The following KDR variants were observed in gnomAD, a reference collection of about 807,000 sequenced individuals.
The protein encoded by KDR is vascular endothelial growth factor receptor 2.
In KDR, 43 loss-of-function variants were observed where a neutral mutation model predicts 160.9. That is an observed-to-expected ratio of 0.27 (90% CI 0.21 to 0.34). The LOEUF (loss-of-function observed/expected upper bound fraction) is 0.34, where lower values mean the gene tolerates loss of function less well. Among genes scored for constraint, KDR ranks in the 10% least tolerant of loss-of-function variants. The pLI, the probability that KDR is intolerant of heterozygous loss-of-function variation, is 1.00. For missense variants in KDR, 1,469 were observed against 1,666.4 expected (o/e 0.88, Z 2.06); for synonymous variants, 617 against 600.1 (o/e 1.03, Z -0.41).
At chr4:55,113,199 A>G in intron 7 of KDR, 105 bp downstream of exon 7, 1 of 1,276,164 alleles carries the variant, frequency 7.8e-7, no homozygotes, top group Non-Finnish European at 1.1e-6. Flanking sequence ...GAAAAACTAG[A>G]AACTATCTTC....
At position 55,097,756 on chromosome 4, in the gene KDR, A is replaced by G. The variant is rs548601458; in HGVS notation, c.2520T>C (p.Leu840=). 7.3e-5 allele frequency: 118 copies of G among 1,612,402 alleles called. 1 individual carries two copies. In the South Asian group the frequency reaches 1.2e-3, roughly 17 times the overall value. ...TCACTTGGCCAAAGGCACCACGGCC[A>G]AGAGGCTTACCTAGAGTCAACAACA... The part of the protein sequence containing the change: ...PRDRLKLGKP[L]GRGAFGQVIE... The change falls in exon 18 of 30, where the codon CTT becomes CTC. Residue 840 remains leucine (L), a synonymous_variant. Coordinates refer to ENST00000263923, the MANE Select transcript of KDR (RefSeq NM_002253.4).
In KDR at chr4:55,121,698, G is replaced by A. The variant is rs138898470; in HGVS notation, c.68-508C>T. Among the ~76,000 whole-genome samples, 542 of 152,222 alleles carry A rather than the reference G, an allele frequency of 3.6e-3. 7 individuals carry two copies. Among genetic ancestry groups the A allele is most frequent in the African/African-American group, 0.011 (444 of 41,524 alleles). On this transcript the variant is annotated intron_variant, in intron 1 of 29. Coordinates refer to ENST00000263923, the MANE Select transcript of KDR (RefSeq NM_002253.4). ...TTTTCCTTTATCAATTTTCTAGTGC[G>A]CTTCCCCTGGTAACCAAACTGCCAC...
intron 19 of KDR, among the ~76,000 whole-genome samples, chr4:55,095,895 C>T (rs369581054): frequency 3.8e-4 from 58 of 152,230 alleles, no homozygotes; most frequent in African/African-American, 1.3e-3. Context: ...CACCCATCTA[C>T]TTGCTTTTCA....
Position 55,094,949 on chromosome 4 carries a change from C to T in KDR, c.2824G>A (p.Gly942Arg), listed in dbSNP as rs748637684. 1.2e-6 allele frequency: 2 copies of T among 1,613,870 alleles called. No individual in the cohort carries two copies. Among genetic ancestry groups the T allele is most frequent in the Admixed American group, 3.3e-5 (2 of 60,004 alleles). Residue 942 changes from glycine to arginine, a missense_variant, in exon 21 of 30, where the codon GGG becomes AGG. Physicochemically the swap from Gly to Arg is moderately radical, Grantham distance 125. This residue lies in a region of KDR where 151 missense variants were observed against 207.2 expected (regional missense o/e 0.73). Coordinates refer to ENST00000263923, the MANE Select transcript of KDR (RefSeq NM_002253.4). Reference sequence around the variant, plus strand: ...TCTTTCCCTTGACGGAATCGTGCCCCTTTGGTCTATAAAAAAGCAAAGGAA... The same window carrying T: ...TCTTTCCCTTGACGGAATCGTGCCCTTTTGGTCTATAAAAAAGCAAAGGAA... Reference protein sequence around the residue: ...RNEFVPYKTKGARFRQGKDYV... With the variant: ...RNEFVPYKTKRARFRQGKDYV...
intron 21 of KDR, among the ~76,000 whole-genome samples, chr4:55,094,032 T>C (rs1720086178): frequency 6.8e-6 from 1 of 147,984 alleles, no homozygotes; most frequent in Admixed American, 6.7e-5. Context: ...AAACCCCATC[T>C]TTACTAAAAA....
chr4:55,119,970 A>G (rs2110035460), intron 2 of KDR, among the ~76,000 whole-genome samples: 1 of 152,312 alleles, frequency 6.6e-6, no homozygotes, highest in East Asian at 1.9e-4. Flanking sequence ...TCAGAACATA[A>G]GAAATGTTTA....
intron 27 of KDR, among the ~76,000 whole-genome samples, chr4:55,083,574 C>T (rs1719788692): frequency 6.6e-6 from 1 of 152,090 alleles, no homozygotes; most frequent in Non-Finnish European, 1.5e-5. Context: ...GGCCGTGTGG[C>T]TTTGGGTGAG....
In KDR at chr4:55,104,739, T is replaced by G; in HGVS notation, c.1891A>C (p.Asn631His). ...TNDILIMELKNASLQDQGDYV... is the reference protein window; with the variant it reads ...TNDILIMELKHASLQDQGDYV... ...TCTCCTTGGTCCTGCAAGGATGCAT[T>G]CTTAAGCTCCATGATCAAAATGTCA... is the stretch of plus-strand genomic sequence containing the variant. The change falls in exon 13 of 30, where the codon AAT becomes CAT. Residue 631 changes from asparagine (N) to histidine (H), a missense_variant. Asn to His is a moderately conservative substitution (Grantham distance 68). Transcript: ENST00000263923. 10 of 1,613,954 alleles carry G rather than the reference T, an allele frequency of 6.2e-6. No individual in the cohort carries two copies. Among genetic ancestry groups the G allele is most frequent in the Non-Finnish European group, 8.5e-6 (10 of 1,179,888 alleles).
chr4:55,082,584 T>A lies in KDR; in HGVS notation c.3714A>T (p.Thr1238=), dbSNP rs1386836654. The change falls in exon 28 of 30, where the codon ACA becomes ACT. Residue 1238 remains threonine, a synonymous_variant. Coordinates refer to ENST00000263923, the MANE Select transcript of KDR (RefSeq NM_002253.4). ...KRKSRPVSVK[T]FEDIPLEEPE... Reference sequence around the variant, plus strand: ...GTTCTTCTAACGGGATATCTTCAAATGTTTTTACACTCACAGGCCGGCTCT... The same window carrying A: ...GTTCTTCTAACGGGATATCTTCAAAAGTTTTTACACTCACAGGCCGGCTCT... 6.2e-7 allele frequency: 1 copy of A among 1,614,032 alleles called. No homozygotes were observed. Among genetic ancestry groups the A allele is most frequent in the African/African-American group, 1.3e-5 (1 of 75,068 alleles).
chr4:55,122,159 G>A (rs1553914979), intron 1 of KDR, among the ~76,000 whole-genome samples: 1 of 152,074 alleles, frequency 6.6e-6, no homozygotes, highest in Non-Finnish European at 1.5e-5. Context: ...TTACCTATAA[G>A]GGATAAGAAC....
chr4:55,120,798 G>T (rs750462945), intron 2 of KDR, among the ~76,000 whole-genome samples: 2 of 151,686 alleles, frequency 1.3e-5, no homozygotes, highest in Admixed American at 1.3e-4. Flanking sequence ...TCTACTATAC[G>T]CCAGGTGGCT....
Position 55,121,095 on chromosome 4 carries a change from A to G in KDR, c.161+2T>C. ...AAATCTAGATCTAGAATGAATCCTT[A>G]CCTGCAAGTAATTTGAAGAGTTGTA... On this transcript the variant is annotated splice_donor_variant, in intron 2 of 29. Coordinates refer to ENST00000263923, the MANE Select transcript of KDR (RefSeq NM_002253.4). LOFTEE classifies it high-confidence loss of function. 1 of 1,589,868 alleles carries G rather than the reference A, an allele frequency of 6.3e-7. No individual in the cohort carries two copies. Among genetic ancestry groups the G allele is most frequent in the Non-Finnish European group, 8.6e-7 (1 of 1,158,142 alleles).
At chr4:55,098,058 C>A in intron 17 of KDR, 79 bp downstream of exon 17, 1 of 1,540,228 alleles carries the variant, frequency 6.5e-7, no homozygotes, top group South Asian at 1.1e-5. Flanking sequence ...TCTGAATACA[C>A]CACATTTGTC....
chr4:55,094,575 A>T (rs1220038853), intron 21 of KDR, among the ~76,000 whole-genome samples: 4 of 152,192 alleles, frequency 2.6e-5, no homozygotes, highest in African/African-American at 9.7e-5. Flanking sequence ...GCCCACTTGG[A>T]CTACCCAGAT....
intron 16 of KDR, 42 bp downstream of exon 16, chr4:55,098,655 G>T: frequency 6.8e-7 from 1 of 1,460,800 alleles, no homozygotes; most frequent in Non-Finnish European, 9.6e-7. Flanking sequence ...CATTAATCAT[G>T]AAAACCAATG....
In KDR at chr4:55,092,729, A is replaced by G. The variant is rs1377309862; in HGVS notation, c.2972-15T>C. On this transcript the variant is annotated splice_polypyrimidine_tract_variant and intron_variant, in intron 21 of 29. Coordinates refer to ENST00000263923, the MANE Select transcript of KDR (RefSeq NM_002253.4). Reference sequence around the variant, plus strand: ...ATCTTCAGGAGCTGTCCAAAGAGGCAGGAGGATGGAGATCAGTATTTCCAT... The same window carrying G: ...ATCTTCAGGAGCTGTCCAAAGAGGCGGGAGGATGGAGATCAGTATTTCCAT... 6.5e-7 allele frequency: 1 copy of G among 1,530,900 alleles called. No homozygotes were observed. The highest frequency in any genetic ancestry group is 1.7e-5 in the Admixed American group (1 of 59,880). The allele number at this position is 1,530,900 out of a possible 1,614,324, so 94.8% of individuals were successfully genotyped here. A position where few individuals can be genotyped will look rare whatever the true frequency, so the allele number is the denominator to read the frequency against.
At position 55,078,562 on chromosome 4, in the gene KDR, T is replaced by C. The variant is rs924398297; in HGVS notation, c.*1379A>G. The C allele has an allele frequency of 1.1e-4, 25 of 232,582 alleles. No individual in the cohort carries two copies. The highest frequency in any genetic ancestry group is 1.7e-4 in the Admixed American group (3 of 17,770). 14.4% of individuals were successfully genotyped at this position (232,582 alleles called of 1,614,324 possible). A position where few individuals can be genotyped will look rare whatever the true frequency, so the allele number is the denominator to read the frequency against. ...CCTTTGTTATGCTACATAATACTGA[T>C]ACAAAATGTGAATAGTACAAAGTTC... On this transcript the variant is annotated 3_prime_UTR_variant, in exon 30 of 30. Coordinates refer to ENST00000263923, the MANE Select transcript of KDR (RefSeq NM_002253.4).
At chr4:55,099,295 C>T (rs1298663967) in intron 15 of KDR, among the ~76,000 whole-genome samples, 1 of 152,282 alleles carries the variant, frequency 6.6e-6, no homozygotes, top group African/African-American at 2.4e-5. Flanking sequence ...GCAGGGATTA[C>T]AGGCATAAGC....
At chr4:55,082,083 T>C (rs1316861071) in intron 28 of KDR, 42 bp from the exon 29 acceptor site, 2 of 1,294,642 alleles carry the variant, frequency 1.5e-6, no homozygotes, top group South Asian at 1.2e-5. Context: ...ATTGAGCATA[T>C]AAAATGACCA....
Sources: allele counts gnomAD v4.1 joint callset (sites outside exome capture counted in the v4.1 genomes callset), GRCh38; gene constraint gnomAD v4.1.1; regional missense constraint gnomAD v4.1.1; transcripts MANE v1.5; gene names NCBI Gene and HGNC (gene_info 2026-07-23, HGNC 2026-07-21).